The following RAB30 variants were observed in gnomAD, a reference collection of about 807,000 sequenced individuals.
RAB30 encodes the protein ras-related protein Rab-30.
Under a neutral mutation model 25.1 loss-of-function variants are expected in RAB30, and 9 were observed. The ratio of observed to expected loss-of-function variants is 0.36; its 90% confidence interval spans 0.22 to 0.63. RAB30 has a LOEUF of 0.63. RAB30 is among the 20% of genes least tolerant of loss of function. The pLI, the probability that RAB30 is intolerant of heterozygous loss-of-function variation, is 0.69. For missense variants in RAB30, 140 were observed against 243.5 expected, an observed-to-expected ratio of 0.58 and a Z score of 2.83; for synonymous variants, 77 against 86.4, an observed-to-expected ratio of 0.89 and a Z score of 0.60.
chr11:83,048,796 G>A (rs1220528503), intron 1 of RAB30, among the ~76,000 whole-genome samples: 5 of 152,174 alleles, frequency 3.3e-5, no homozygotes, highest in East Asian at 1.9e-4. Flanking sequence ...AGGTCCTGTC[G>A]TGGCTGCTCG....
intron 2 of RAB30, 21 bp from the exon 3 acceptor site, chr11:82,994,143 A>G (rs1245535993): frequency 1.3e-6 from 2 of 1,552,630 alleles, no homozygotes; most frequent in Non-Finnish European, 1.8e-6. Flanking sequence ...AATAATAGAA[A>G]AGAACAGCTA....
intron 1 of RAB30, among the ~76,000 whole-genome samples, chr11:83,051,181 A>G (rs1403010660): frequency 6.6e-6 from 1 of 152,206 alleles, no homozygotes; most frequent in Admixed American, 6.5e-5. Flanking sequence ...TGCAGGTTAA[A>G]AGGAGAAAGC....
In RAB30 at chr11:83,047,816, G is replaced by C. The variant is rs533600791; in HGVS notation, c.-9+23875C>G. On this transcript the variant is annotated intron_variant, in intron 1 of 4. Transcript: ENST00000527633. ...AACAATGAGTTCTGAAAAGGGCTGA[G>C]AGTGCTTTTCCACCATCCCTCAGTA... 1.3e-3 allele frequency among the ~76,000 whole-genome samples: 192 copies of C among 152,114 alleles called. 1 individual carries two copies. The highest frequency in any genetic ancestry group is 1.7e-3 in the Non-Finnish European group (119 of 68,018).
intron 1 of RAB30, among the ~76,000 whole-genome samples, chr11:83,066,662 T>C (rs1858705185): frequency 6.6e-6 from 1 of 152,164 alleles, no homozygotes; most frequent in Non-Finnish European, 1.5e-5. Flanking sequence ...GTGATTCTCC[T>C]GCCTCAGCCT....
At chr11:83,012,855 C>T (rs1857333431) in intron 1 of RAB30, among the ~76,000 whole-genome samples, 1 of 152,134 alleles carries the variant, frequency 6.6e-6, no homozygotes, top group Admixed American at 6.5e-5. Context: ...ATGACTACCG[C>T]TATGATCACG....
chr11:83,070,175 A>T (rs2121523171), intron 1 of RAB30, among the ~76,000 whole-genome samples: 1 of 152,276 alleles, frequency 6.6e-6, no homozygotes, highest in South Asian at 2.1e-4. Context: ...AGAGAAGGGT[A>T]GGGTGTCCAG....
In RAB30 at chr11:82,999,970, T is replaced by G. The variant is rs567374572; in HGVS notation, c.-8-2646A>C. Among the ~76,000 whole-genome samples, 6 of 152,316 alleles carry G rather than the reference T, an allele frequency of 3.9e-5. No individual in the cohort carries two copies. The South Asian group carries it at 1.2e-3, about 32-fold the overall frequency. On this transcript the variant is annotated intron_variant, in intron 1 of 4. Coordinates refer to ENST00000527633, the MANE Select transcript of RAB30 (RefSeq NM_001286060.2). Reference sequence around the variant, plus strand: ...TGTACACTCATGACTGTGAGCAGCATGAGAGCAGTGACGTGTCAGGTTGAG... The same window carrying G: ...TGTACACTCATGACTGTGAGCAGCAGGAGAGCAGTGACGTGTCAGGTTGAG...
chr11:83,025,809 T>C (rs927093925), intron 1 of RAB30, among the ~76,000 whole-genome samples: 1 of 152,184 alleles, frequency 6.6e-6, no homozygotes, highest in Non-Finnish European at 1.5e-5. Flanking sequence ...AACTCCTCTT[T>C]GTTCTTAAAA....
chr11:82,994,164 TC>T, intron 2 of RAB30, 42 bp from the exon 3 acceptor site: 1 of 1,521,024 alleles, frequency 6.6e-7, no homozygotes, highest in Non-Finnish European at 9.1e-7. Context: ...AGCAAATATT[TC>T]CATTAAATGA....
At chr11:83,033,123 G>T (rs949878414) in intron 1 of RAB30, among the ~76,000 whole-genome samples, 1 of 137,002 alleles carries the variant, frequency 7.3e-6, no homozygotes, top group East Asian at 2.2e-4. Context: ...GGAATGCAAC[G>T]GCATGACCTC....
intron 1 of RAB30, among the ~76,000 whole-genome samples, chr11:83,039,460 C>T (rs966690079): frequency 6.6e-6 from 1 of 152,206 alleles, no homozygotes; most frequent in Non-Finnish European, 1.5e-5. Context: ...AGGCAGATAA[C>T]TTGAGCTCAG....
intron 1 of RAB30, among the ~76,000 whole-genome samples, chr11:83,038,209 G>C (rs1396850954): frequency 6.6e-6 from 1 of 152,096 alleles, no homozygotes; most frequent in Non-Finnish European, 1.5e-5. Context: ...TTCTCCAACA[G>C]GGCAGAACTC....
At chr11:83,003,934 T>C (rs1371009415) in intron 1 of RAB30, among the ~76,000 whole-genome samples, 3 of 152,212 alleles carry the variant, frequency 2.0e-5, no homozygotes, top group Non-Finnish European at 4.4e-5. Flanking sequence ...TGACCCTAGA[T>C]ACTCAGTAAG....
intron 1 of RAB30, among the ~76,000 whole-genome samples, chr11:83,033,653 C>T (rs188495283): frequency 1.6e-4 from 25 of 152,256 alleles, no homozygotes; most frequent in African/African-American, 5.5e-4. Context: ...GGTTTGCAGG[C>T]TCAAGTTTCA....
chr11:83,010,695 C>A (rs543197790), intron 1 of RAB30, among the ~76,000 whole-genome samples: 2 of 152,194 alleles, frequency 1.3e-5, no homozygotes, highest in East Asian at 3.9e-4. Flanking sequence ...TGGCACATAC[C>A]AAAAGCCATA....
At chr11:83,054,516 T>C (rs1858417503) in intron 1 of RAB30, among the ~76,000 whole-genome samples, 1 of 151,998 alleles carries the variant, frequency 6.6e-6, no homozygotes, top group Non-Finnish European at 1.5e-5. Flanking sequence ...GCTGAGCCTG[T>C]CCCTGGTCAT....
chr11:83,011,976 GA>G (rs1192543706), intron 1 of RAB30, among the ~76,000 whole-genome samples: 3 of 152,168 alleles, frequency 2.0e-5, no homozygotes, highest in African/African-American at 7.2e-5. Context: ...CACAGGCTTG[GA>G]TATGCACTAA....
At chr11:83,034,082 G>C (rs1857935472) in intron 1 of RAB30, 1 of 152,140 alleles carries the variant, frequency 6.6e-6, no homozygotes, top group South Asian at 2.1e-4. Flanking sequence ...CTGTATTTAA[G>C]ACTGCAAAAC....
At chr11:83,037,255 GA>G (rs1267363983) in intron 1 of RAB30, among the ~76,000 whole-genome samples, 1 of 151,848 alleles carries the variant, frequency 6.6e-6, no homozygotes, top group Non-Finnish European at 1.5e-5. Flanking sequence ...AAAGACAAAC[GA>G]ATTTTTTTTT....
Sources: gnomAD v4.1 joint callset for allele counts (sites outside exome capture counted in the v4.1 genomes callset) on GRCh38, gnomAD v4.1.1 for gene constraint, MANE v1.5 for transcripts, NCBI Gene and HGNC (gene_info 2026-07-23, HGNC 2026-07-21) for gene names.